The following RAB11FIP4 variants were observed in gnomAD, a reference collection of about 807,000 sequenced individuals.
The protein encoded by RAB11FIP4 is RAB11 family interacting protein 4.
A neutral mutation model predicts 74.3 loss-of-function variants in RAB11FIP4; 23 were observed. The observed-to-expected ratio is 0.31, with a 90% CI of 0.22 to 0.44. The LOEUF is 0.44. Ranked by LOEUF, RAB11FIP4 falls within the 20% of genes least tolerant of loss-of-function variation. The pLI, the probability that RAB11FIP4 is intolerant of heterozygous loss-of-function variation, is 1.00. For synonymous variants in RAB11FIP4, 360 were observed against 359.9 expected (o/e 1.00, Z 0.00); for missense variants, 630 against 863.9 (o/e 0.73, Z 3.39).
chr17:31,403,764 G>A (rs1300438789), intron 1 of RAB11FIP4, among the ~76,000 whole-genome samples: 2 of 152,214 alleles, frequency 1.3e-5, no homozygotes, highest in African/African-American at 4.8e-5. Flanking sequence ...TGCCTTTTTA[G>A]CTTCCTGCTG....
At chr17:31,431,041 T>G (rs1313858742) in intron 1 of RAB11FIP4, among the ~76,000 whole-genome samples, 1 of 150,112 alleles carries the variant, frequency 6.7e-6, no homozygotes, top group Non-Finnish European at 1.5e-5. Flanking sequence ...AGGCCGGGGG[T>G]TGATGGGTCA....
chr17:31,480,040 T>G (rs1359955520), intron 3 of RAB11FIP4, among the ~76,000 whole-genome samples: 2 of 152,184 alleles, frequency 1.3e-5, no homozygotes, highest in African/African-American at 4.8e-5. Flanking sequence ...TTGGTTGTAC[T>G]CTCTCCATTT....
At chr17:31,439,753 G>A (rs2071391352) in intron 3 of RAB11FIP4, among the ~76,000 whole-genome samples, 1 of 152,100 alleles carries the variant, frequency 6.6e-6, no homozygotes, top group Admixed American at 6.5e-5. Flanking sequence ...TGGTACCACA[G>A]GCACACGCCA....
chr17:31,464,799 C>T (rs971469357), intron 3 of RAB11FIP4, among the ~76,000 whole-genome samples: 4 of 114,776 alleles, frequency 3.5e-5, no homozygotes. Context: ...CTTTCTCTGT[C>T]ACCCAGGCTG....
intron 1 of RAB11FIP4, among the ~76,000 whole-genome samples, chr17:31,402,661 G>T (rs140292292): frequency 0.02 from 2,864 of 146,454 alleles, 94 homozygotes; most frequent in African/African-American, 0.069. Flanking sequence ...TTGCTTTGTC[G>T]CCCAGGCTGG....
At chr17:31,483,821 A>G (rs2071874410) in intron 3 of RAB11FIP4, among the ~76,000 whole-genome samples, 1 of 152,166 alleles carries the variant, frequency 6.6e-6, no homozygotes, top group Admixed American at 6.5e-5. Flanking sequence ...ATATTTAGCC[A>G]GTCGTTCCAC....
Position 31,533,562 on chromosome 17 carries a change from G to C in RAB11FIP4, c.*1830G>C, listed in dbSNP as rs998311910. 6.6e-6 allele frequency: 1 copy of C among 152,304 alleles called. No homozygotes were observed. Among genetic ancestry groups the C allele is most frequent in the African/African-American group, 2.4e-5 (1 of 41,472 alleles). 9.4% of individuals were successfully genotyped at this position (152,304 alleles called of 1,614,324 possible). On this transcript the variant is annotated 3_prime_UTR_variant, in exon 15 of 15. Coordinates refer to ENST00000621161, the MANE Select transcript of RAB11FIP4 (RefSeq NM_032932.6). ...AAGGAACAAGACAGATCCTGACATAGCTTTGGCCTGGGTGTTAGGTCAGAA... is the reference window on the plus strand; with the variant it reads ...AAGGAACAAGACAGATCCTGACATACCTTTGGCCTGGGTGTTAGGTCAGAA...
At chr17:31,483,805 A>G (rs886724917) in intron 3 of RAB11FIP4, among the ~76,000 whole-genome samples, 5 of 152,172 alleles carry the variant, frequency 3.3e-5, no homozygotes, top group Admixed American at 1.3e-4. Flanking sequence ...GAAACCATAT[A>G]TATATATATT....
At chr17:31,405,390 G>A (rs2071033011) in intron 1 of RAB11FIP4, among the ~76,000 whole-genome samples, 1 of 150,872 alleles carries the variant, frequency 6.6e-6, no homozygotes, top group Non-Finnish European at 1.5e-5. Context: ...TTTTTTTTGA[G>A]ACGGAGTCTC....
rs146208190 is a variant in RAB11FIP4, at chr17:31,477,513, G to A, written c.337-40138G>A. Among the ~76,000 whole-genome samples the A allele has an allele frequency of 7.3e-3, 1,111 of 152,350 alleles. 12 individuals are homozygous for A. The highest frequency in any genetic ancestry group is 0.024 in the African/African-American group (1,004 of 41,574). ...CCCCAGGTCCCCAGACAAGCTGTGG[G>A]GAGAAGAGCAGCGCGGGCGTCAGAG... On this transcript the variant is annotated intron_variant, in intron 3 of 14. Coordinates refer to ENST00000621161, the MANE Select transcript of RAB11FIP4 (RefSeq NM_032932.6).
In RAB11FIP4 at chr17:31,528,761, G is replaced by GTCAAGCGGC; in HGVS notation, c.1643_1651dup (p.Arg548_Lys550dup). ...CCGCGAGGTGGAGCTCGAGCACGAG[G>GTCAAGCGGC]TCAAGCGGCTCAAGCAGGTGGGTCT... On this transcript the variant is annotated inframe_insertion, in exon 13 of 15. Transcript: ENST00000621161. 6.2e-7 allele frequency: 1 copy of GTCAAGCGGC among 1,609,820 alleles called. No individual in the cohort carries two copies. The highest frequency in any genetic ancestry group is 8.5e-7 in the Non-Finnish European group (1 of 1,178,988).
At chr17:31,511,447 G>A (rs1488351810) in intron 3 of RAB11FIP4, among the ~76,000 whole-genome samples, 1 of 152,208 alleles carries the variant, frequency 6.6e-6, no homozygotes, top group African/African-American at 2.4e-5. Context: ...AGGTCTCAGG[G>A]TCCTGTGGCT....
chr17:31,405,067 C>T (rs571382259), intron 1 of RAB11FIP4, among the ~76,000 whole-genome samples: 1 of 152,090 alleles, frequency 6.6e-6, no homozygotes, highest in South Asian at 2.1e-4. Context: ...GAGGGCCACA[C>T]AGCTCTATTG....
At chr17:31,460,107 G>C (rs1032395062) in intron 3 of RAB11FIP4, among the ~76,000 whole-genome samples, 2 of 152,196 alleles carry the variant, frequency 1.3e-5, no homozygotes, top group African/African-American at 4.8e-5. Context: ...AATGGGATGG[G>C]GTGGGCACTT....
intron 14 of RAB11FIP4, 149 bp downstream of exon 14, chr17:31,530,618 G>A: frequency 9.3e-7 from 1 of 1,072,878 alleles, no homozygotes; most frequent in Non-Finnish European, 1.3e-6. Context: ...GCAAGGCTGT[G>A]AGCAGGGGAG....
chr17:31,428,576 A>T (rs529422026), intron 1 of RAB11FIP4, among the ~76,000 whole-genome samples: 1 of 152,104 alleles, frequency 6.6e-6, no homozygotes, highest in South Asian at 2.1e-4. Flanking sequence ...AAGGAGTGTG[A>T]GCGTGTACAC....
intron 1 of RAB11FIP4, among the ~76,000 whole-genome samples, chr17:31,424,442 C>A (rs913306380): frequency 6.6e-6 from 1 of 152,078 alleles, no homozygotes; most frequent in African/African-American, 2.4e-5. Context: ...ATTAATTTTT[C>A]TTTCTTTTTT....
chr17:31,468,913 A>C (rs956558536), intron 3 of RAB11FIP4, among the ~76,000 whole-genome samples: 1 of 152,142 alleles, frequency 6.6e-6, no homozygotes, highest in Non-Finnish European at 1.5e-5. Context: ...CCTCTGGAGC[A>C]CGTGAGGGTC....
intron 3 of RAB11FIP4, among the ~76,000 whole-genome samples, chr17:31,509,693 C>T (rs11869598): frequency 0.052 from 7,944 of 152,224 alleles, 656 homozygotes; most frequent in African/African-American, 0.18. Context: ...CTCTGGGCTG[C>T]AGAGCTTTGA....
Sources: allele counts gnomAD v4.1 joint callset (sites outside exome capture counted in the v4.1 genomes callset), GRCh38; gene constraint gnomAD v4.1.1; transcripts MANE v1.5; gene names NCBI Gene and HGNC (gene_info 2026-07-23, HGNC 2026-07-21).